Variants in KAZN observed in about 807,000 individuals in gnomAD.
The protein encoded by KAZN is kazrin, periplakin interacting protein, also known as kazrin.
Under a neutral mutation model 87.4 loss-of-function variants are expected in KAZN, and 40 were observed. That is an observed-to-expected ratio of 0.46 (90% CI 0.36 to 0.60). The LOEUF is 0.60. KAZN is among the 20% of genes least tolerant of loss of function. KAZN has a pLI of 0.00. For synonymous variants in KAZN, 466 were observed against 458.3 expected (o/e 1.02, Z -0.22); for missense variants, 898 against 1,073.9 (o/e 0.84, Z 2.29).
chr1:14,173,878 G>C (rs1025804362), intron 1 of KAZN, among the ~76,000 whole-genome samples: 4 of 152,082 alleles, frequency 2.6e-5, no homozygotes, highest in Non-Finnish European at 5.9e-5. Flanking sequence ...AACCACACAT[G>C]GAAAGAATGT....
rs532371529 is a variant in KAZN, at chr1:14,709,822, T to C, written c.226+110599T>C. 1.6e-4 allele frequency among the ~76,000 whole-genome samples: 24 copies of C among 152,328 alleles called. No individual in the cohort carries two copies. In the South Asian group the frequency reaches 4.4e-3, roughly 28 times the overall value. On this transcript the variant is annotated intron_variant, in intron 1 of 14. Coordinates refer to ENST00000376030, the MANE Select transcript of KAZN (RefSeq NM_201628.3). Reference sequence around the variant, plus strand: ...TGTGTGAGTGTCACCAGGTGCCTTTTCTTATGAACATTTCCTACTAACTGA... The same window carrying C: ...TGTGTGAGTGTCACCAGGTGCCTTTCCTTATGAACATTTCCTACTAACTGA...
At chr1:14,580,598 C>T (rs1315591410) in intron 2 of KAZN, among the ~76,000 whole-genome samples, 1 of 152,066 alleles carries the variant, frequency 6.6e-6, no homozygotes, top group Non-Finnish European at 1.5e-5. Context: ...GGATAAGAGG[C>T]CTATAGCTGT....
At position 14,383,985 on chromosome 1, in the gene KAZN, T is replaced by C. The variant is rs971176218; in HGVS notation, c.249+203393T>C. Among the ~76,000 whole-genome samples the C allele has an allele frequency of 3.9e-5, 6 of 152,120 alleles. No individual in the cohort carries two copies. In the South Asian group the frequency reaches 1.2e-3, roughly 32 times the overall value. ...TTCCATTTGTTTGTATCCTCTTTTA[T>C]TTCCTTCAGCAGTGGTTTGTAGCTC... On this transcript the variant is annotated intron_variant, in intron 2 of 16. Transcript: ENST00000636203.
At chr1:14,085,356 A>G (rs1406984313) in intron 1 of KAZN, among the ~76,000 whole-genome samples, 1 of 152,128 alleles carries the variant, frequency 6.6e-6, no homozygotes, top group Non-Finnish European at 1.5e-5. Flanking sequence ...TCTTGTAACC[A>G]CCGCCACCAA....
intron 6 of KAZN, chr1:15,062,559 A>G (rs946510004): frequency 6.6e-6 from 1 of 152,530 alleles, no homozygotes; most frequent in Non-Finnish European, 1.5e-5. Context: ...TGACTGCCTC[A>G]TCCTCTCACA....
chr1:14,791,509 T>G (rs1645673576), intron 1 of KAZN, among the ~76,000 whole-genome samples: 1 of 152,208 alleles, frequency 6.6e-6, no homozygotes, highest in South Asian at 2.1e-4. Flanking sequence ...CTGCGTGACT[T>G]GCAAGCCCCC....
intron 1 of KAZN, among the ~76,000 whole-genome samples, chr1:14,033,845 T>G (rs941722150): frequency 1.3e-5 from 2 of 152,208 alleles, no homozygotes; most frequent in African/African-American, 4.8e-5. Context: ...TCTTCCATCC[T>G]CAAACACATG....
chr1:14,340,757 C>T (rs1431779931), intron 2 of KAZN, among the ~76,000 whole-genome samples: 2 of 152,156 alleles, frequency 1.3e-5, no homozygotes, highest in East Asian at 3.8e-4. Flanking sequence ...CATCCCTGAT[C>T]TGTAAGTGTG....
chr1:14,204,845 C>T (rs1012124030), intron 2 of KAZN, among the ~76,000 whole-genome samples: 1 of 152,238 alleles, frequency 6.6e-6, no homozygotes, highest in Non-Finnish European at 1.5e-5. Context: ...CTCAGTTCTG[C>T]TAGCCTCTTG....
intron 2 of KAZN, among the ~76,000 whole-genome samples, chr1:14,964,446 C>T (rs1222900962): frequency 1.3e-5 from 2 of 152,118 alleles, no homozygotes; most frequent in Non-Finnish European, 2.9e-5. Context: ...CCCATCCAAG[C>T]TCAAGGTAGC....
At chr1:14,920,362 C>T (rs1466233759) in intron 1 of KAZN, among the ~76,000 whole-genome samples, 1 of 144,982 alleles carries the variant, frequency 6.9e-6, no homozygotes. Context: ...GAGCCCAGAA[C>T]CAGAGCAGCC....
chr1:14,929,244 A>G (rs1230393773), intron 1 of KAZN, among the ~76,000 whole-genome samples: 3 of 152,314 alleles, frequency 2.0e-5, no homozygotes, highest in East Asian at 3.9e-4. Context: ...TGTTTAAAAT[A>G]TATATAATAC....
chr1:14,334,630 ATTAGGAGCAGAAG>A (rs1657098750), intron 2 of KAZN, among the ~76,000 whole-genome samples: 1 of 152,204 alleles, frequency 6.6e-6, no homozygotes, highest in African/African-American at 2.4e-5. Flanking sequence ...GTCAGGCAGG[ATTAGGAGCAGAAG>A]AGCCATGTGA....
chr1:14,269,534 G>A (rs1185517690), intron 2 of KAZN, among the ~76,000 whole-genome samples: 2 of 152,118 alleles, frequency 1.3e-5, no homozygotes, highest in East Asian at 1.9e-4. Flanking sequence ...AGATTAGGCT[G>A]GGAAAAAAGA....
intron 8 of KAZN, among the ~76,000 whole-genome samples, chr1:15,093,918 C>T (rs1640682832): frequency 6.6e-6 from 1 of 152,184 alleles, no homozygotes; most frequent in Non-Finnish European, 1.5e-5. Context: ...ATTTATTTGC[C>T]TTTCACAGTC....
intron 2 of KAZN, among the ~76,000 whole-genome samples, chr1:14,554,792 T>G (rs1342489943): frequency 6.6e-6 from 1 of 152,200 alleles, no homozygotes; most frequent in African/African-American, 2.4e-5. Context: ...CCTCTCCTAT[T>G]TTCCTAGACC....
At chr1:14,537,759 T>C (rs1383843484) in intron 2 of KAZN, among the ~76,000 whole-genome samples, 1 of 152,224 alleles carries the variant, frequency 6.6e-6, no homozygotes, top group Non-Finnish European at 1.5e-5. Context: ...TTCCCAGTTC[T>C]TGTATTCACA....
At chr1:13,916,520 GGT>G (rs1358656411) in intron 1 of KAZN, among the ~76,000 whole-genome samples, 2 of 152,150 alleles carry the variant, frequency 1.3e-5, no homozygotes, top group East Asian at 3.9e-4. Context: ...CTACGTGCCA[GGT>G]GCTACACATT....
intron 4 of KAZN, among the ~76,000 whole-genome samples, chr1:15,047,786 C>T (rs972399529): frequency 6.6e-6 from 1 of 152,076 alleles, no homozygotes; most frequent in African/African-American, 2.4e-5. Context: ...AAAAAGAAGC[C>T]CCCCAGCTGC....
Sources: allele counts gnomAD v4.1 joint callset (sites outside exome capture counted in the v4.1 genomes callset), GRCh38; gene constraint gnomAD v4.1.1; transcripts MANE v1.5; gene names NCBI Gene and HGNC (gene_info 2026-07-23, HGNC 2026-07-21).